Variants in PHLPP1 observed in about 807,000 individuals in gnomAD.
PHLPP1 encodes the protein PH domain leucine-rich repeat-containing protein phosphatase 1.
A neutral mutation model predicts 117.2 loss-of-function variants in PHLPP1; 42 were observed. The ratio of observed to expected loss-of-function variants is 0.36; its 90% CI spans 0.28 to 0.46. The LOEUF (loss-of-function observed/expected upper bound fraction) is 0.46. Among genes scored for constraint, PHLPP1 ranks in the 20% least tolerant of loss-of-function variants. PHLPP1 has a pLI of 1.00. For missense variants in PHLPP1, 2,084 were observed against 2,241.9 expected (o/e 0.93, Z 1.42); for synonymous variants, 1,042 against 970.7 (o/e 1.07, Z -1.37).
chr18:62,874,618 G>T (rs534902245), intron 4 of PHLPP1, among the ~76,000 whole-genome samples: 6 of 152,122 alleles, frequency 3.9e-5, no homozygotes, highest in African/African-American at 7.2e-5. Flanking sequence ...CCAGCCCTGG[G>T]TAGGACAGCA....
chr18:62,931,924 A>G (rs1179245110), intron 10 of PHLPP1, among the ~76,000 whole-genome samples: 2 of 151,728 alleles, frequency 1.3e-5, no homozygotes. Context: ...CAAATTGAAA[A>G]TGACAGAGAT....
At chr18:62,957,093 G>A (rs1186708648) in intron 12 of PHLPP1, among the ~76,000 whole-genome samples, 1 of 151,986 alleles carries the variant, frequency 6.6e-6, no homozygotes, top group African/African-American at 2.4e-5. Context: ...CTTACAATAA[G>A]GTACTAATTC....
chr18:62,876,471 G>A lies in PHLPP1; in HGVS notation c.2066+15870G>A, dbSNP rs530643856. On this transcript the variant is annotated intron_variant, in intron 4 of 16. Coordinates refer to ENST00000262719, the MANE Select transcript of PHLPP1 (RefSeq NM_194449.4). ...ATTGTTCACTTTTTAAATATTTTTT[G>A]TACTTATCAATCCTTTTATAGTAAG... Among the ~76,000 whole-genome samples, 35 of 152,050 alleles carry A rather than the reference G, an allele frequency of 2.3e-4. No individual in the cohort carries two copies. In the South Asian group the frequency reaches 5.6e-3, roughly 24 times the overall value.
At chr18:62,749,934 T>C (rs1322409679) in intron 1 of PHLPP1, among the ~76,000 whole-genome samples, 1 of 152,174 alleles carries the variant, frequency 6.6e-6, no homozygotes, top group Non-Finnish European at 1.5e-5. Context: ...GAGAATCTCT[T>C]AAACCCCGGA....
intron 1 of PHLPP1, among the ~76,000 whole-genome samples, chr18:62,793,271 T>A (rs965214575): frequency 6.6e-6 from 1 of 152,228 alleles, no homozygotes. Context: ...ACCTAGATAT[T>A]TGCATAGAAA....
intron 10 of PHLPP1, among the ~76,000 whole-genome samples, chr18:62,928,028 A>G (rs553483023): frequency 3.2e-4 from 49 of 152,204 alleles, no homozygotes; most frequent in Non-Finnish European, 6.3e-4. Flanking sequence ...AGACTTCTCA[A>G]AAACATTATA....
intron 9 of PHLPP1, among the ~76,000 whole-genome samples, chr18:62,917,481 GTGT>G (rs1409431405): frequency 6.7e-6 from 1 of 148,908 alleles, no homozygotes; most frequent in Non-Finnish European, 1.5e-5. Context: ...TCTGTTTATA[GTGT>G]TGTTCAATTG....
intron 13 of PHLPP1, among the ~76,000 whole-genome samples, chr18:62,962,337 C>T (rs1365075297): frequency 3.3e-5 from 5 of 151,932 alleles, no homozygotes; most frequent in Non-Finnish European, 5.9e-5. Context: ...GACAGAGTTT[C>T]GCTCTTGTTG....
At chr18:62,904,071 G>A (rs933923382) in intron 7 of PHLPP1, among the ~76,000 whole-genome samples, 2 of 152,204 alleles carry the variant, frequency 1.3e-5, no homozygotes, top group South Asian at 2.1e-4. Context: ...TCTGAAAGAT[G>A]AAGGATTTTT....
At chr18:62,767,039 C>T (rs913610500) in intron 1 of PHLPP1, among the ~76,000 whole-genome samples, 7 of 152,200 alleles carry the variant, frequency 4.6e-5, no homozygotes, top group African/African-American at 1.7e-4. Context: ...CAGCCACTCT[C>T]CTGCCAGATC....
intron 1 of PHLPP1, among the ~76,000 whole-genome samples, chr18:62,764,182 A>AC (rs1912374581): frequency 7.1e-6 from 1 of 140,902 alleles, no homozygotes; most frequent in Admixed American, 7.0e-5. Context: ...AAAAAAAAAA[A>AC]ACAACAACAA....
chr18:62,798,820 A>T (rs1159956899), intron 1 of PHLPP1, among the ~76,000 whole-genome samples: 2 of 152,152 alleles, frequency 1.3e-5, no homozygotes, highest in Non-Finnish European at 2.9e-5. Context: ...GTCCCCAGTG[A>T]AATCCAGTGG....
intron 10 of PHLPP1, among the ~76,000 whole-genome samples, chr18:62,938,009 A>G (rs533922934): frequency 6.6e-6 from 1 of 152,300 alleles, no homozygotes; most frequent in South Asian, 2.1e-4. Context: ...CTCTGTCAAA[A>G]AAGAAAATAA....
chr18:62,752,377 G>A (rs954066062), intron 1 of PHLPP1, among the ~76,000 whole-genome samples: 4 of 152,234 alleles, frequency 2.6e-5, no homozygotes, highest in Non-Finnish European at 5.9e-5. Context: ...AGATAAAGAG[G>A]CTAAGGAATG....
At chr18:62,812,329 G>T (rs1296274552) in intron 1 of PHLPP1, among the ~76,000 whole-genome samples, 1 of 152,136 alleles carries the variant, frequency 6.6e-6, no homozygotes, top group East Asian at 1.9e-4. Flanking sequence ...CCTGATAAAA[G>T]CATGTCACAG....
chr18:62,856,861 C>T (rs886735544), intron 3 of PHLPP1, among the ~76,000 whole-genome samples: 1 of 152,120 alleles, frequency 6.6e-6, no homozygotes, highest in East Asian at 1.9e-4. Context: ...TCAGTGGGCA[C>T]CACTCTCACC....
chr18:62,930,955 C>G (rs866503012), intron 10 of PHLPP1, among the ~76,000 whole-genome samples: 2 of 151,604 alleles, frequency 1.3e-5, no homozygotes, highest in Non-Finnish European at 2.9e-5. Flanking sequence ...TTTGGGAGGC[C>G]GAGGCAGGAG....
intron 10 of PHLPP1, among the ~76,000 whole-genome samples, chr18:62,923,552 T>G (rs1196505035): frequency 1.3e-5 from 2 of 152,208 alleles, no homozygotes; most frequent in Admixed American, 1.3e-4. Flanking sequence ...AACCTATTTT[T>G]GTATTAGTTC....
chr18:62,947,009 T>C (rs1250510881), intron 12 of PHLPP1, among the ~76,000 whole-genome samples: 13 of 152,172 alleles, frequency 8.5e-5, no homozygotes, highest in Non-Finnish European at 2.9e-5. Context: ...GCCGAGATCG[T>C]GCCACTGCGC....
Sources: allele counts gnomAD v4.1 joint callset (sites outside exome capture counted in the v4.1 genomes callset), GRCh38; gene constraint gnomAD v4.1.1; transcripts MANE v1.5; gene names NCBI Gene and HGNC (gene_info 2026-07-23, HGNC 2026-07-21).